The following NKAIN2 variants were observed in gnomAD, a reference collection of about 807,000 sequenced individuals.
NKAIN2 encodes sodium/potassium transporting ATPase interacting 2.
A neutral mutation model predicts 32.6 loss-of-function variants in NKAIN2; 14 were observed. The ratio of observed to expected loss-of-function variants is 0.43; its 90% confidence interval spans 0.28 to 0.67. The LOEUF (loss-of-function observed/expected upper bound fraction) is 0.67, where lower values mean the gene tolerates loss of function less well. Ranked by LOEUF, NKAIN2 falls within the 30% of genes least tolerant of loss-of-function variation. The probability of loss-of-function intolerance (pLI) is 0.17; values close to 1 mark genes in which losing one functional copy is unlikely to be tolerated. For synonymous variants in NKAIN2, 80 were observed against 87.2 expected, an observed-to-expected ratio of 0.92 and a Z score of 0.46; for missense variants, 198 against 258.3, an observed-to-expected ratio of 0.77 and a Z score of 1.60.
chr6:124,720,410 T>C (rs1775956425), intron 4 of NKAIN2, among the ~76,000 whole-genome samples: 2 of 152,196 alleles, frequency 1.3e-5, no homozygotes, highest in African/African-American at 4.8e-5. Flanking sequence ...TTTTAACATG[T>C]GGTAAATTAA....
chr6:124,799,241 A>C (rs1428027000), intron 5 of NKAIN2, among the ~76,000 whole-genome samples: 3 of 152,190 alleles, frequency 2.0e-5, no homozygotes, highest in Non-Finnish European at 4.4e-5. Flanking sequence ...GTTACATGTA[A>C]TAATTTTCAC....
intron 4 of NKAIN2, among the ~76,000 whole-genome samples, chr6:124,665,383 T>G (rs1486984834): frequency 6.6e-6 from 1 of 152,130 alleles, no homozygotes; most frequent in Non-Finnish European, 1.5e-5. Flanking sequence ...TTCAACAAGG[T>G]AGGCATTTAA....
At chr6:124,821,071 G>T (rs905770933) in intron 6 of NKAIN2, among the ~76,000 whole-genome samples, 2 of 152,090 alleles carry the variant, frequency 1.3e-5, no homozygotes, top group Admixed American at 1.3e-4. Flanking sequence ...GAGACAGGTG[G>T]ATCACCTGAG....
chr6:124,234,581 A>G (rs147989519), intron 1 of NKAIN2, among the ~76,000 whole-genome samples: 75 of 152,290 alleles, frequency 4.9e-4, no homozygotes, highest in African/African-American at 1.7e-3. Flanking sequence ...TACAACCACC[A>G]TACTATATAG....
chr6:124,808,804 T>C (rs949585413), intron 5 of NKAIN2, among the ~76,000 whole-genome samples: 1 of 152,166 alleles, frequency 6.6e-6, no homozygotes, highest in Non-Finnish European at 1.5e-5. Context: ...ACAAAATCAA[T>C]GTACAAAATC....
At chr6:124,705,069 A>G (rs1193409003) in intron 4 of NKAIN2, among the ~76,000 whole-genome samples, 1 of 152,110 alleles carries the variant, frequency 6.6e-6, no homozygotes, top group Non-Finnish European at 1.5e-5. Flanking sequence ...AAAAGCTCTT[A>G]AAAGGAATAT....
intron 5 of NKAIN2, among the ~76,000 whole-genome samples, chr6:124,802,277 A>T (rs938560074): frequency 6.6e-6 from 1 of 152,176 alleles, no homozygotes; most frequent in African/African-American, 2.4e-5. Context: ...TGTTGATTCT[A>T]AATATATTCT....
intron 1 of NKAIN2, among the ~76,000 whole-genome samples, chr6:123,993,567 T>G (rs1030644601): frequency 1.3e-5 from 2 of 152,188 alleles, no homozygotes; most frequent in African/African-American, 4.8e-5. Context: ...AAAGGTTGAC[T>G]CTGGCTGTGT....
intron 1 of NKAIN2, among the ~76,000 whole-genome samples, chr6:124,079,868 G>A (rs1017330992): frequency 1.5e-4 from 23 of 151,320 alleles, no homozygotes; most frequent in South Asian, 2.1e-4. Flanking sequence ...GTCACTGAGC[G>A]AACAAAGGTA....
At chr6:124,084,275 G>C (rs779094457) in intron 1 of NKAIN2, among the ~76,000 whole-genome samples, 1 of 151,934 alleles carries the variant, frequency 6.6e-6, no homozygotes, top group South Asian at 2.1e-4. Flanking sequence ...GTCAATGATG[G>C]ACTGCAGATA....
intron 4 of NKAIN2, among the ~76,000 whole-genome samples, chr6:124,695,763 G>A (rs1218005236): frequency 1.3e-5 from 2 of 152,244 alleles, no homozygotes; most frequent in Middle Eastern, 3.4e-3. Flanking sequence ...GAACACATAG[G>A]TTCATATAGG....
At chr6:124,697,787 T>A (rs1774572876) in intron 4 of NKAIN2, among the ~76,000 whole-genome samples, 1 of 152,228 alleles carries the variant, frequency 6.6e-6, no homozygotes, top group Non-Finnish European at 1.5e-5. Flanking sequence ...ATGTATGTAC[T>A]AGAATATATT....
chr6:124,404,721 G>A (rs564460676), intron 3 of NKAIN2, among the ~76,000 whole-genome samples: 3 of 151,814 alleles, frequency 2.0e-5, no homozygotes, highest in Admixed American at 1.3e-4. Flanking sequence ...TACAAACTAT[G>A]CATATATGCA....
At chr6:124,019,936 ATG>A (rs1780791663) in intron 1 of NKAIN2, among the ~76,000 whole-genome samples, 1 of 152,204 alleles carries the variant, frequency 6.6e-6, no homozygotes, top group Non-Finnish European at 1.5e-5. Flanking sequence ...AGATATTAAA[ATG>A]TAACATTTTA....
chr6:123,937,112 C>T (rs1282543336), intron 1 of NKAIN2, among the ~76,000 whole-genome samples: 1 of 152,062 alleles, frequency 6.6e-6, no homozygotes, highest in Non-Finnish European at 1.5e-5. Context: ...TGCTGTTCTG[C>T]TATTAGGTTT....
chr6:124,236,864 TAA>T (rs1792795234), intron 1 of NKAIN2, among the ~76,000 whole-genome samples: 1 of 152,132 alleles, frequency 6.6e-6, no homozygotes, highest in African/African-American at 2.4e-5. Context: ...AAAAGATTAA[TAA>T]GATGTTAAGA....
chr6:124,275,152 G>C (rs1348655397), intron 1 of NKAIN2, among the ~76,000 whole-genome samples: 1 of 152,046 alleles, frequency 6.6e-6, no homozygotes, highest in African/African-American at 2.4e-5. Context: ...GAACAGCTGT[G>C]AGAAATAATA....
intron 1 of NKAIN2, among the ~76,000 whole-genome samples, chr6:123,807,096 A>C (rs186116176): frequency 1.1e-3 from 163 of 152,200 alleles, no homozygotes; most frequent in African/African-American, 3.8e-3. Flanking sequence ...TGTGCTTTAA[A>C]TTAGTTAAAT....
chr6:123,963,416 GT>G (rs568886689), intron 1 of NKAIN2, among the ~76,000 whole-genome samples: 169 of 152,284 alleles, frequency 1.1e-3, no homozygotes, highest in African/African-American at 3.8e-3. Context: ...TTACAGGGAA[GT>G]GTTGAGAGAA....
Sources: allele counts gnomAD v4.1 joint callset (sites outside exome capture counted in the v4.1 genomes callset), GRCh38; gene constraint gnomAD v4.1.1; transcripts MANE v1.5; gene names NCBI Gene and HGNC (gene_info 2026-07-23, HGNC 2026-07-21).